The following DCC variants were observed in gnomAD, a reference collection of about 807,000 sequenced individuals.
DCC encodes netrin receptor DCC.
Under a neutral mutation model 172.5 loss-of-function variants are expected in DCC, and 58 were observed. The observed-to-expected ratio is 0.34, with a 90% CI of 0.27 to 0.42. The LOEUF (loss-of-function observed/expected upper bound fraction) is 0.42, where lower values mean the gene tolerates loss of function less well. Among genes scored for constraint, DCC ranks in the 10% least tolerant of loss-of-function variants. The probability of loss-of-function intolerance (pLI) is 1.00; values close to 1 mark genes in which losing one functional copy is unlikely to be tolerated. For synonymous variants in DCC, 709 were observed against 644.5 expected (o/e 1.10, Z -1.52); for missense variants, 1,740 against 1,791.0 (o/e 0.97, Z 0.51).
intron 1 of DCC, among the ~76,000 whole-genome samples, chr18:52,466,819 A>T (rs1988796858): frequency 1.3e-5 from 2 of 152,282 alleles, no homozygotes; most frequent in East Asian, 3.9e-4. Flanking sequence ...TGCTCACTCT[A>T]TGCCAAACAC....
chr18:53,036,699 T>G (rs769638141), intron 5 of DCC, among the ~76,000 whole-genome samples: 1 of 152,046 alleles, frequency 6.6e-6, no homozygotes, highest in African/African-American at 2.4e-5. Flanking sequence ...CTATTCAATA[T>G]GCACCCCTAA....
intron 2 of DCC, among the ~76,000 whole-genome samples, chr18:52,857,111 G>GA (rs10717507): frequency 5.9e-5 from 9 of 151,674 alleles, no homozygotes; most frequent in South Asian, 2.1e-4. Context: ...TTCCATTTTG[G>GA]AAAAAAAATG....
chr18:52,344,811 A>G (rs1983810113), intron 1 of DCC, among the ~76,000 whole-genome samples: 1 of 152,196 alleles, frequency 6.6e-6, no homozygotes, highest in South Asian at 2.1e-4. Flanking sequence ...ACCAGTAAAG[A>G]TAACTATTTA....
At chr18:53,030,323 A>G (rs1211334860) in intron 5 of DCC, among the ~76,000 whole-genome samples, 2 of 152,164 alleles carry the variant, frequency 1.3e-5, no homozygotes, top group African/African-American at 4.8e-5. Flanking sequence ...ATAATTATAT[A>G]TCTAGTGCAG....
At chr18:52,530,942 C>G (rs1598891736) in intron 1 of DCC, among the ~76,000 whole-genome samples, 1 of 152,206 alleles carries the variant, frequency 6.6e-6, no homozygotes, top group East Asian at 1.9e-4. Flanking sequence ...TGTAAAAGAC[C>G]TAGATAGGTG....
intron 5 of DCC, among the ~76,000 whole-genome samples, chr18:52,996,672 C>T (rs1488248656): frequency 1.3e-5 from 2 of 151,104 alleles, no homozygotes; most frequent in Non-Finnish European, 3.0e-5. Context: ...AAAAGTAAAA[C>T]AAAATGTTTC....
intron 1 of DCC, among the ~76,000 whole-genome samples, chr18:52,615,503 T>C (rs2034362985): frequency 6.6e-6 from 1 of 152,222 alleles, no homozygotes; most frequent in Non-Finnish European, 1.5e-5. Flanking sequence ...TCTTGTGTCA[T>C]GCAGATCAGT....
chr18:53,020,835 G>A (rs970584198), intron 5 of DCC, among the ~76,000 whole-genome samples: 2 of 152,142 alleles, frequency 1.3e-5, no homozygotes, highest in African/African-American at 4.8e-5. Context: ...AAATGAGGGG[G>A]AAAAATTTAG....
intron 1 of DCC, among the ~76,000 whole-genome samples, chr18:52,654,683 C>T (rs1383798374): frequency 6.6e-6 from 1 of 152,008 alleles, no homozygotes; most frequent in African/African-American, 2.4e-5. Flanking sequence ...CTTTAAAGAC[C>T]TTATATCCTA....
chr18:53,154,919 C>T (rs989866774), intron 7 of DCC, among the ~76,000 whole-genome samples: 6 of 152,088 alleles, frequency 3.9e-5, no homozygotes, highest in African/African-American at 7.2e-5. Flanking sequence ...GAGAGAGATA[C>T]GCCATCCCCA....
chr18:52,746,554 C>T (rs2036908185), intron 1 of DCC, among the ~76,000 whole-genome samples: 1 of 151,982 alleles, frequency 6.6e-6, no homozygotes, highest in Admixed American at 6.6e-5. Context: ...CCTTAAAAAC[C>T]TCATTTTAAG....
chr18:53,262,210 A>G (rs879489215), intron 12 of DCC, among the ~76,000 whole-genome samples: 6 of 152,206 alleles, frequency 3.9e-5, no homozygotes, highest in Non-Finnish European at 7.3e-5. Flanking sequence ...ACACTACTCT[A>G]TCCTTCTGAG....
chr18:53,336,323 C>T (rs1460767154), intron 14 of DCC, among the ~76,000 whole-genome samples: 2 of 152,188 alleles, frequency 1.3e-5, no homozygotes, highest in African/African-American at 2.4e-5. Context: ...TAACCACTTT[C>T]CTAATCCATA....
At chr18:53,136,146 T>C (rs2043737386) in intron 7 of DCC, among the ~76,000 whole-genome samples, 1 of 152,060 alleles carries the variant, frequency 6.6e-6, no homozygotes, top group Admixed American at 6.6e-5. Flanking sequence ...TGTGTGTGTG[T>C]ATGTGTGTAT....
intron 2 of DCC, among the ~76,000 whole-genome samples, chr18:52,829,293 G>A (rs1045882953): frequency 6.6e-6 from 1 of 152,156 alleles, no homozygotes; most frequent in Non-Finnish European, 1.5e-5. Context: ...AGATTCAAGG[G>A]TGAACTTACA....
intron 5 of DCC, among the ~76,000 whole-genome samples, chr18:52,962,664 A>C (rs540639451): frequency 0.012 from 1,756 of 151,568 alleles, 39 homozygotes; most frequent in African/African-American, 0.041. Flanking sequence ...ATGTATGTTT[A>C]TTGCGGCACT....
chr18:53,196,994 T>G (rs2055453275), intron 9 of DCC, among the ~76,000 whole-genome samples: 1 of 152,048 alleles, frequency 6.6e-6, no homozygotes, highest in African/African-American at 2.4e-5. Context: ...TTTTTGATGT[T>G]GCATTCCCCA....
intron 1 of DCC, among the ~76,000 whole-genome samples, chr18:52,668,525 G>A (rs2035496047): frequency 6.6e-6 from 1 of 152,142 alleles, no homozygotes; most frequent in African/African-American, 2.4e-5. Flanking sequence ...GCTAGTCTAT[G>A]CTATGAATTT....
chr18:52,548,821 G>A (rs905576852), intron 1 of DCC, among the ~76,000 whole-genome samples: 15 of 152,216 alleles, frequency 9.9e-5, no homozygotes, highest in African/African-American at 3.1e-4. Flanking sequence ...GATTTGATCA[G>A]TATTACCCAA....
Sources: allele counts gnomAD v4.1 joint callset (sites outside exome capture counted in the v4.1 genomes callset), GRCh38; gene constraint gnomAD v4.1.1; transcripts MANE v1.5; gene names NCBI Gene and HGNC (gene_info 2026-07-23, HGNC 2026-07-21).